The following PPP2R2B variants were observed in gnomAD, a reference collection of about 807,000 sequenced individuals.
PPP2R2B encodes serine/threonine-protein phosphatase 2A 55 kDa regulatory subunit B beta isoform.
In PPP2R2B, 5 loss-of-function variants were observed where a neutral mutation model predicts 46.0. The ratio of observed to expected loss-of-function variants is 0.11; its 90% CI spans 0.06 to 0.23. The LOEUF (loss-of-function observed/expected upper bound fraction) is 0.23, where lower values mean the gene tolerates loss of function less well. Among genes scored for constraint, PPP2R2B ranks in the 10% least tolerant of loss-of-function variants. The pLI is 1.00. For synonymous variants in PPP2R2B, 215 were observed against 206.7 expected (o/e 1.04, Z -0.34); for missense variants, 367 against 575.0 (o/e 0.64, Z 3.70).
chr5:146,748,814 T>C (rs1039963736), intron 2 of PPP2R2B, among the ~76,000 whole-genome samples: 6 of 152,246 alleles, frequency 3.9e-5, no homozygotes, highest in Non-Finnish European at 7.3e-5. Context: ...AGTTTTTTGG[T>C]AATTATGAAT....
At chr5:147,023,681 A>T (rs114318763) in intron 1 of PPP2R2B, among the ~76,000 whole-genome samples, 1 of 152,154 alleles carries the variant, frequency 6.6e-6, no homozygotes, top group Non-Finnish European at 1.5e-5. Flanking sequence ...TGAGTGGGTT[A>T]AGGGATACAC....
intron 1 of PPP2R2B, among the ~76,000 whole-genome samples, chr5:147,008,628 C>A (rs1754564830): frequency 1.3e-5 from 2 of 152,230 alleles, no homozygotes; most frequent in Non-Finnish European, 2.9e-5. Context: ...GCTTTGAGAT[C>A]TAGCTCAAGA....
rs368861887 is a variant in PPP2R2B at position 146,654,450 on chromosome 5, C to A, written c.448-3726G>T. ...TCAAAAATTGTGAAATATCAGCAATCTCATGCGGTTTAACCTAACACTTTG... is the reference window on the plus strand; with the variant it reads ...TCAAAAATTGTGAAATATCAGCAATATCATGCGGTTTAACCTAACACTTTG... On this transcript the variant is annotated intron_variant, in intron 5 of 9. Coordinates refer to ENST00000394411, the MANE Select transcript of PPP2R2B (RefSeq NM_181675.4). Among the ~76,000 whole-genome samples the A allele has an allele frequency of 9.2e-5, 14 of 152,288 alleles. No homozygotes were observed. The South Asian group carries it at 2.9e-3, about 32-fold the overall frequency.
intron 7 of PPP2R2B, among the ~76,000 whole-genome samples, chr5:146,603,581 C>T (rs1771983039): frequency 6.6e-6 from 1 of 152,166 alleles, no homozygotes; most frequent in Non-Finnish European, 1.5e-5. Context: ...AGATAACATA[C>T]CAGCACAGCA....
At chr5:146,754,551 C>G (rs1753734021) in intron 2 of PPP2R2B, among the ~76,000 whole-genome samples, 1 of 152,178 alleles carries the variant, frequency 6.6e-6, no homozygotes, top group Non-Finnish European at 1.5e-5. Context: ...CTTAATTCGC[C>G]TCCACTTGAG....
intron 2 of PPP2R2B, among the ~76,000 whole-genome samples, chr5:147,069,794 T>TGTTTTGTTTTG (rs1327486708): frequency 8.0e-5 from 10 of 125,646 alleles, no homozygotes; most frequent in African/African-American, 2.6e-4. Flanking sequence ...TGTTTTTTTT[T>TGTTTTGTTTTG]TTTTTTTTTT....
intron 2 of PPP2R2B, among the ~76,000 whole-genome samples, chr5:147,064,676 A>G (rs192113527): frequency 3.7e-4 from 57 of 152,358 alleles, no homozygotes; most frequent in Non-Finnish European, 5.7e-4. Context: ...AATCAAAACA[A>G]TCTAGCATAT....
At chr5:146,939,763 A>AT (rs1000745634) in intron 1 of PPP2R2B, among the ~76,000 whole-genome samples, 14 of 151,926 alleles carry the variant, frequency 9.2e-5, no homozygotes, top group South Asian at 4.2e-4. Flanking sequence ...CCTTTTTGAC[A>AT]TTTTTTTCAA....
intron 2 of PPP2R2B, among the ~76,000 whole-genome samples, chr5:146,795,434 C>A (rs987835136): frequency 1.3e-5 from 2 of 152,082 alleles, no homozygotes; most frequent in African/African-American, 4.8e-5. Context: ...GAACCACACA[C>A]AGAAAGACAA....
chr5:146,755,174 T>A (rs1444344897), intron 2 of PPP2R2B, among the ~76,000 whole-genome samples: 1 of 152,056 alleles, frequency 6.6e-6, no homozygotes, highest in Non-Finnish European at 1.5e-5. Flanking sequence ...AGGAGAGGGA[T>A]GGAGGGTGGG....
rs10565841 is a variant in PPP2R2B, at chr5:147,079,356, G to GAT, written c.50+1701_50+1702dup. Reference sequence around the variant, plus strand: ...AAACAGATGAATAGATACATACAGTGATATATATATATATATAATATGTGA... The same window carrying GAT: ...AAACAGATGAATAGATACATACAGTGATATATATATATATATATAATATGTGA... On this transcript the variant is annotated intron_variant, in intron 2 of 10. Transcript: ENST00000394413. 7.7e-3 allele frequency among the ~76,000 whole-genome samples: 1,094 copies of GAT among 142,310 alleles called. 11 individuals are homozygous for GAT. The highest frequency in any genetic ancestry group is 0.026 in the African/African-American group (997 of 38,804). 93.4% of individuals were successfully genotyped at this position (142,310 alleles called of 152,430 possible).
intron 1 of PPP2R2B, among the ~76,000 whole-genome samples, chr5:146,888,317 C>G (rs1242243131): frequency 6.6e-6 from 1 of 152,148 alleles, no homozygotes; most frequent in Non-Finnish European, 1.5e-5. Context: ...CCACAATACC[C>G]TGCCCCACCC....
intron 2 of PPP2R2B, among the ~76,000 whole-genome samples, chr5:146,798,284 G>A (rs1027804152): frequency 1.8e-4 from 27 of 151,850 alleles, no homozygotes; most frequent in African/African-American, 5.6e-4. Context: ...CTCCTCTCAC[G>A]TATCACTGGA....
At chr5:146,799,167 G>C (rs964706947) in intron 2 of PPP2R2B, among the ~76,000 whole-genome samples, 1 of 152,176 alleles carries the variant, frequency 6.6e-6, no homozygotes, top group Non-Finnish European at 1.5e-5. Flanking sequence ...GGCCAACCTA[G>C]GTTCTTAGAG....
chr5:146,814,675 G>C (rs1370784752), intron 2 of PPP2R2B, among the ~76,000 whole-genome samples: 1 of 152,224 alleles, frequency 6.6e-6, no homozygotes, highest in Non-Finnish European at 1.5e-5. Flanking sequence ...CCTCAAGTGA[G>C]CATGTATACA....
intron 2 of PPP2R2B, among the ~76,000 whole-genome samples, chr5:146,857,303 A>T (rs777124836): frequency 6.6e-6 from 1 of 152,222 alleles, no homozygotes; most frequent in Non-Finnish European, 1.5e-5. Context: ...AAGGTGATAT[A>T]AGAAGAAATA....
chr5:146,917,518 T>C (rs1212018873), intron 1 of PPP2R2B, among the ~76,000 whole-genome samples: 1 of 152,240 alleles, frequency 6.6e-6, no homozygotes, highest in Non-Finnish European at 1.5e-5. Context: ...ATTTTATAAA[T>C]AAGGATCTTC....
At chr5:146,802,437 C>T (rs1160867655) in intron 2 of PPP2R2B, among the ~76,000 whole-genome samples, 1 of 152,164 alleles carries the variant, frequency 6.6e-6, no homozygotes, top group East Asian at 1.9e-4. Context: ...TTTGTGAGCA[C>T]AAAAGAATTA....
intron 1 of PPP2R2B, among the ~76,000 whole-genome samples, chr5:146,941,535 C>A (rs1431113628): frequency 1.3e-5 from 2 of 152,224 alleles, no homozygotes; most frequent in South Asian, 4.1e-4. Flanking sequence ...AGAACCACAT[C>A]AGCATTTATG....
Sources: allele counts gnomAD v4.1 joint callset (sites outside exome capture counted in the v4.1 genomes callset), GRCh38; gene constraint gnomAD v4.1.1; transcripts MANE v1.5; gene names NCBI Gene and HGNC (gene_info 2026-07-23, HGNC 2026-07-21).